The following NUAK1 variants were observed in gnomAD, a reference collection of about 807,000 sequenced individuals.
The protein encoded by NUAK1 is NUAK family SNF1-like kinase 1.
In NUAK1, 26 loss-of-function variants were observed where a neutral mutation model predicts 56.9. That is an observed-to-expected ratio of 0.46 (90% CI 0.33 to 0.63). The LOEUF (loss-of-function observed/expected upper bound fraction) is 0.63. Among genes scored for constraint, NUAK1 ranks in the 30% least tolerant of loss-of-function variants. The pLI is 0.02. For missense variants in NUAK1, 727 were observed against 876.1 expected (o/e 0.83, Z 2.15); for synonymous variants, 337 against 336.0 (o/e 1.00, Z -0.03).
At chr12:106,075,016 C>A (rs138421097) in intron 4 of NUAK1, among the ~76,000 whole-genome samples, 2 of 152,260 alleles carry the variant, frequency 1.3e-5, no homozygotes, top group Non-Finnish European at 2.9e-5. Context: ...CCTGGGGCAC[C>A]ATATGAGCTT....
intron 6 of NUAK1, among the ~76,000 whole-genome samples, chr12:106,069,966 C>T (rs1248926751): frequency 6.6e-6 from 1 of 152,200 alleles, no homozygotes; most frequent in African/African-American, 2.4e-5. Flanking sequence ...CAATAGAACA[C>T]AGCAGATGTG....
Position 106,083,881 on chromosome 12 carries a change from C to A in NUAK1, c.562G>T (p.Asp188Tyr). 6.2e-7 allele frequency: 1 copy of A among 1,614,122 alleles called. No individual in the cohort carries two copies. Among genetic ancestry groups the A allele is most frequent in the Non-Finnish European group, 8.5e-7 (1 of 1,180,004 alleles). ...GGCTTTACCTTAATATTGCAGTTGT[C>A]ATCGAGCAGTATATTTTCCAGCTTC... ...DLKLENILLD[D>Y]NCNIKIADFG... Residue 188 changes from aspartate to tyrosine, a missense_variant, in exon 4 of 7, where the codon GAC (aspartate) becomes TAC (tyrosine). Coordinates refer to ENST00000261402, the MANE Select transcript of NUAK1 (RefSeq NM_014840.3).
intron 1 of NUAK1, among the ~76,000 whole-genome samples, chr12:106,124,555 G>C (rs1053272220): frequency 6.6e-6 from 1 of 152,154 alleles, no homozygotes; most frequent in Non-Finnish European, 1.5e-5. Context: ...CTGCCACTTT[G>C]AAACAATTTT....
At chr12:106,122,792 G>A (rs1219621552) in intron 1 of NUAK1, among the ~76,000 whole-genome samples, 1 of 152,158 alleles carries the variant, frequency 6.6e-6, no homozygotes, top group Non-Finnish European at 1.5e-5. Flanking sequence ...CTCCAACCCT[G>A]TTGAATCAGA....
At chr12:106,090,203 T>A (rs1375294215) in intron 2 of NUAK1, among the ~76,000 whole-genome samples, 1 of 152,152 alleles carries the variant, frequency 6.6e-6, no homozygotes, top group Non-Finnish European at 1.5e-5. Context: ...GTGAGCAATC[T>A]GGTCAGAGAA....
intron 6 of NUAK1, among the ~76,000 whole-genome samples, chr12:106,069,359 A>G (rs904068923): frequency 1.3e-5 from 2 of 152,192 alleles, no homozygotes; most frequent in African/African-American, 4.8e-5. Context: ...CAGTCTATTT[A>G]GTGCTGTATT....
chr12:106,096,814 T>A (rs1050800022), intron 2 of NUAK1, among the ~76,000 whole-genome samples: 3 of 152,188 alleles, frequency 2.0e-5, no homozygotes, highest in African/African-American at 7.2e-5. Context: ...GCAGGGCTCG[T>A]TTTCTCTTTG....
Position 106,138,607 on chromosome 12 carries a change from C to G in NUAK1, c.47G>C (p.Gly16Ala), listed in dbSNP as rs2136488989. Residue 16 changes from glycine (G) to alanine (A), a missense_variant, in exon 1 of 7, where the codon GGG becomes GCG. Coordinates refer to ENST00000261402, the MANE Select transcript of NUAK1 (RefSeq NM_014840.3). This position sits in a 1 kb window ranked among gnomAD's most constrained non-coding sequence, Gnocchi z 5.0. ...TCGGGGAGAGCCCGGCGCCCCCAGC[C>G]CCAAGTCGGGGCGGTCCCCCGCCAC... is the stretch of plus-strand genomic sequence containing the variant. The part of the protein sequence containing the change: ...APVAGDRPDL[G>A]LGAPGSPREA... 1 of 1,553,208 alleles carries G rather than the reference C, an allele frequency of 6.4e-7. No homozygotes were observed. The highest frequency in any genetic ancestry group is 8.6e-7 in the Non-Finnish European group (1 of 1,156,512).
chr12:106,137,949 C>T (rs1325221461), intron 1 of NUAK1, among the ~76,000 whole-genome samples: 1 of 152,200 alleles, frequency 6.6e-6, no homozygotes, highest in Non-Finnish European at 1.5e-5. Flanking sequence ...GAGCAAGGAG[C>T]TGCGGGCAGA....
intron 1 of NUAK1, among the ~76,000 whole-genome samples, chr12:106,110,975 T>G: frequency 6.6e-6 from 1 of 152,098 alleles, no homozygotes; most frequent in East Asian, 1.9e-4. Context: ...CTGGGCATCC[T>G]CTCCCACATT....
chr12:106,112,049 G>A (rs529566333), intron 1 of NUAK1, among the ~76,000 whole-genome samples: 1 of 151,782 alleles, frequency 6.6e-6, no homozygotes, highest in South Asian at 2.1e-4. Flanking sequence ...AGCCTAGTGA[G>A]ATGGACCCCC....
At chr12:106,080,971 T>C (rs920572777) in intron 4 of NUAK1, among the ~76,000 whole-genome samples, 2 of 152,220 alleles carry the variant, frequency 1.3e-5, no homozygotes, top group East Asian at 1.9e-4. Flanking sequence ...TTCAGCAAAA[T>C]GCTGAGTCAG....
At chr12:106,121,596 A>G (rs1042943116) in intron 1 of NUAK1, among the ~76,000 whole-genome samples, 6 of 152,180 alleles carry the variant, frequency 3.9e-5, no homozygotes, top group African/African-American at 1.2e-4. Flanking sequence ...CTAAAAATAC[A>G]AAAATTAGCT....
intron 3 of NUAK1, among the ~76,000 whole-genome samples, chr12:106,084,265 G>A (rs2032550040): frequency 6.6e-6 from 1 of 152,310 alleles, no homozygotes; most frequent in African/African-American, 2.4e-5. Flanking sequence ...CCAGGCAGCA[G>A]CAAACAATGT....
chr12:106,119,394 C>T (rs1384520903), intron 1 of NUAK1, among the ~76,000 whole-genome samples: 1 of 152,174 alleles, frequency 6.6e-6, no homozygotes, highest in African/African-American at 2.4e-5. Flanking sequence ...GAGCGCCATT[C>T]AGCCCTGAAG....
intron 1 of NUAK1, among the ~76,000 whole-genome samples, chr12:106,110,478 C>T (rs977412532): frequency 3.3e-5 from 5 of 152,100 alleles, no homozygotes; most frequent in Admixed American, 1.3e-4. Context: ...CAGACATGCC[C>T]GGCATTGCGG....
intron 2 of NUAK1, among the ~76,000 whole-genome samples, chr12:106,098,092 C>G (rs1171236981): frequency 6.6e-6 from 1 of 152,204 alleles, no homozygotes; most frequent in Non-Finnish European, 1.5e-5. Flanking sequence ...GCCCCTGTCT[C>G]TTGATTTCTC....
At chr12:106,073,622 A>T (rs1050034919) in intron 4 of NUAK1, among the ~76,000 whole-genome samples, 2 of 152,304 alleles carry the variant, frequency 1.3e-5, no homozygotes, top group East Asian at 3.9e-4. Flanking sequence ...ATTCGAGACC[A>T]GCCTGGCCAA....
At chr12:106,093,816 T>G (rs969829057) in intron 2 of NUAK1, among the ~76,000 whole-genome samples, 1 of 152,218 alleles carries the variant, frequency 6.6e-6, no homozygotes, top group African/African-American at 2.4e-5. Context: ...GTTTGTTTGT[T>G]GAGACAGGGT....
Sources: allele counts gnomAD v4.1 joint callset (sites outside exome capture counted in the v4.1 genomes callset), GRCh38; gene constraint gnomAD v4.1.1; non-coding constraint Gnocchi (gnomAD v3.1); transcripts MANE v1.5; gene names NCBI Gene and HGNC (gene_info 2026-07-23, HGNC 2026-07-21).